CACNA2D3: variants seen among roughly 807,000 people sequenced by gnomAD.
CACNA2D3 encodes the protein calcium voltage-gated channel auxiliary subunit alpha2delta 3, also known as voltage-dependent calcium channel subunit alpha-2/delta-3.
In CACNA2D3, 60 loss-of-function variants were observed where a neutral mutation model predicts 160.6. The ratio of observed to expected loss-of-function variants is 0.37; its 90% CI spans 0.30 to 0.46. The LOEUF (loss-of-function observed/expected upper bound fraction) is 0.46, where lower values mean the gene tolerates loss of function less well. Among genes scored for constraint, CACNA2D3 ranks in the 20% least tolerant of loss-of-function variants. CACNA2D3 has a pLI of 1.00. For missense variants in CACNA2D3, 1,205 were observed against 1,365.0 expected (o/e 0.88, Z 1.85); for synonymous variants, 558 against 492.9 (o/e 1.13, Z -1.75).
chr3:54,449,412 C>G (rs1326130416), intron 4 of CACNA2D3, among the ~76,000 whole-genome samples: 3 of 152,152 alleles, frequency 2.0e-5, no homozygotes, highest in Non-Finnish European at 4.4e-5. Flanking sequence ...AAAATATTTG[C>G]TAATTTGGTG....
chr3:54,227,823 A>G (rs1040706740), intron 2 of CACNA2D3, among the ~76,000 whole-genome samples: 7 of 152,118 alleles, frequency 4.6e-5, no homozygotes, highest in Admixed American at 4.6e-4. Flanking sequence ...TGCTGGGATT[A>G]CAGGTGTGAG....
intron 2 of CACNA2D3, among the ~76,000 whole-genome samples, chr3:54,299,746 A>G (rs569351016): frequency 2.4e-4 from 37 of 152,358 alleles, no homozygotes; most frequent in African/African-American, 8.2e-4. Flanking sequence ...CCCCGGGGAA[A>G]AGGATTAACA....
intron 4 of CACNA2D3, among the ~76,000 whole-genome samples, chr3:54,479,495 G>C (rs1700897983): frequency 6.6e-6 from 1 of 152,128 alleles, no homozygotes; most frequent in Non-Finnish European, 1.5e-5. Context: ...CGTAATTATA[G>C]GCCTTTCTGG....
intron 9 of CACNA2D3, among the ~76,000 whole-genome samples, chr3:54,613,773 T>C (rs998972150): frequency 6.6e-6 from 1 of 152,212 alleles, no homozygotes; most frequent in South Asian, 2.1e-4. Context: ...TCCATGACTT[T>C]GTTACAATTA....
At chr3:54,866,575 T>G (rs1465485863) in intron 17 of CACNA2D3, among the ~76,000 whole-genome samples, 1 of 152,232 alleles carries the variant, frequency 6.6e-6, no homozygotes, top group Non-Finnish European at 1.5e-5. Flanking sequence ...TATCAATTAT[T>G]AGCACACACA....
chr3:54,403,475 G>T (rs1047332638), intron 4 of CACNA2D3, among the ~76,000 whole-genome samples: 2 of 151,632 alleles, frequency 1.3e-5, no homozygotes, highest in Non-Finnish European at 2.9e-5. Flanking sequence ...TACAACAAAA[G>T]TGGTTCTGGA....
intron 14 of CACNA2D3, among the ~76,000 whole-genome samples, chr3:54,826,607 T>C (rs974489728): frequency 5.9e-5 from 9 of 152,170 alleles, no homozygotes; most frequent in African/African-American, 2.2e-4. Context: ...ATTAGATGAT[T>C]TACAGGCTGG....
intron 2 of CACNA2D3, among the ~76,000 whole-genome samples, chr3:54,193,903 A>G (rs564181587): frequency 7.4e-4 from 113 of 152,342 alleles, no homozygotes; most frequent in African/African-American, 2.1e-3. Flanking sequence ...GAAGAACACT[A>G]TCTGCCTCAC....
At chr3:54,833,277 C>G (rs969647432) in intron 14 of CACNA2D3, among the ~76,000 whole-genome samples, 1 of 152,196 alleles carries the variant, frequency 6.6e-6, no homozygotes, top group South Asian at 2.1e-4. Context: ...CAGAGGCCTG[C>G]TTAAAGCCTG....
chr3:54,241,375 C>G (rs1701971216), intron 2 of CACNA2D3, among the ~76,000 whole-genome samples: 1 of 152,100 alleles, frequency 6.6e-6, no homozygotes, highest in African/African-American at 2.4e-5. Flanking sequence ...TCACGAGTAC[C>G]TCTATTATAG....
chr3:54,596,240 C>T (rs11924504), intron 9 of CACNA2D3, among the ~76,000 whole-genome samples: 40,909 of 151,838 alleles, frequency 0.27, 5,821 homozygotes, highest in Non-Finnish European at 0.31. Context: ...GCTGGCCCTC[C>T]GCAGTTACTG....
At chr3:54,652,151 G>T (rs150461495) in intron 11 of CACNA2D3, among the ~76,000 whole-genome samples, 1 of 151,742 alleles carries the variant, frequency 6.6e-6, no homozygotes, top group African/African-American at 2.4e-5. Flanking sequence ...GCCTCCACAC[G>T]ACCGTCACTC....
chr3:54,687,536 T>C (rs1055812011), intron 11 of CACNA2D3, among the ~76,000 whole-genome samples: 4 of 152,134 alleles, frequency 2.6e-5, no homozygotes, highest in Admixed American at 2.6e-4. Context: ...AACAGGAAAT[T>C]GATCTTCTGA....
chr3:54,913,625 A>G (rs1013928068), intron 27 of CACNA2D3, among the ~76,000 whole-genome samples: 1 of 152,038 alleles, frequency 6.6e-6, no homozygotes, highest in Non-Finnish European at 1.5e-5. Context: ...GTAGTACCAG[A>G]GCTCTGGCAG....
intron 11 of CACNA2D3, among the ~76,000 whole-genome samples, chr3:54,650,267 T>G (rs894305963): frequency 6.6e-6 from 1 of 152,046 alleles, no homozygotes; most frequent in African/African-American, 2.4e-5. Context: ...GGTGTGATCT[T>G]GGCTAACTGC....
Position 54,730,166 on chromosome 3 carries a change from T to G in CACNA2D3, c.1168-22433T>G, listed in dbSNP as rs1701360073. 2.6e-5 allele frequency among the ~76,000 whole-genome samples: 4 copies of G among 152,336 alleles called. No individual in the cohort carries two copies. In the East Asian group the frequency reaches 7.7e-4, roughly 29 times the overall value. On this transcript the variant is annotated intron_variant, in intron 11 of 37. Transcript: ENST00000474759. ...CATACTAAAGGCATAGACCTGCATC[T>G]TTGACACTTACATGTTCAACTTTGC...
chr3:54,546,648 T>C (rs1702069700), intron 5 of CACNA2D3, among the ~76,000 whole-genome samples: 1 of 152,138 alleles, frequency 6.6e-6, no homozygotes, highest in South Asian at 2.1e-4. Flanking sequence ...ATAATCTTTT[T>C]TGGTTAACCA....
intron 12 of CACNA2D3, among the ~76,000 whole-genome samples, chr3:54,755,769 T>C (rs961316179): frequency 2.6e-5 from 4 of 152,184 alleles, no homozygotes; most frequent in African/African-American, 7.2e-5. Flanking sequence ...TCCCATTTTT[T>C]CCTTTATTCT....
At chr3:54,572,422 G>C (rs1228623348) in intron 8 of CACNA2D3, among the ~76,000 whole-genome samples, 2 of 152,164 alleles carry the variant, frequency 1.3e-5, no homozygotes, top group African/African-American at 4.8e-5. Context: ...TAAGTGTCCT[G>C]TGTGGATTAT....
Sources: gnomAD v4.1 joint callset for allele counts (sites outside exome capture counted in the v4.1 genomes callset) on GRCh38, gnomAD v4.1.1 for gene constraint, MANE v1.5 for transcripts, NCBI Gene and HGNC (gene_info 2026-07-23, HGNC 2026-07-21) for gene names.